Variants in ANAPC4 observed in about 807,000 individuals in gnomAD.
ANAPC4 encodes the protein anaphase-promoting complex subunit 4.
A neutral mutation model predicts 119.8 loss-of-function variants in ANAPC4; 63 were observed. That is an observed-to-expected ratio of 0.53 (90% CI 0.43 to 0.65). The LOEUF (loss-of-function observed/expected upper bound fraction) is 0.65, where lower values mean the gene tolerates loss of function less well. Ranked by LOEUF, ANAPC4 falls within the 30% of genes least tolerant of loss-of-function variation. The pLI, the probability that ANAPC4 is intolerant of heterozygous loss-of-function variation, is 0.00. For synonymous variants in ANAPC4, 283 were observed against 318.6 expected (o/e 0.89, Z 1.19); for missense variants, 716 against 945.1 (o/e 0.76, Z 3.18).
At chr4:25,397,784 A>T (rs1722740324) in intron 16 of ANAPC4, among the ~76,000 whole-genome samples, 4 of 146,712 alleles carry the variant, frequency 2.7e-5, no homozygotes, top group Non-Finnish European at 1.5e-5. Flanking sequence ...TAAAAGCATT[A>T]CTCTTTATTC....
rs531227277 is a variant in ANAPC4 at position 25,418,085 on chromosome 4, C to A, written c.2200-70C>A. ...TAAAACCATTCTTTGATTCAGACTT[C>A]TGATTTCTAATTCTTTATATATGAT... is the stretch of plus-strand genomic sequence containing the variant. On this transcript the variant is annotated intron_variant, in intron 28 of 28. Transcript: ENST00000315368. 2.2e-6 allele frequency: 3 copies of A among 1,375,384 alleles called. No homozygotes were observed. The African/African-American group carries it at 4.4e-5, about 20-fold the overall frequency. 85.2% of individuals were successfully genotyped at this position (1,375,384 alleles called of 1,614,324 possible). A position where few individuals can be genotyped will look rare whatever the true frequency, so the allele number is the denominator to read the frequency against.
chr4:25,417,075 T>C (rs1488697840), intron 27 of ANAPC4: 2 of 152,826 alleles, frequency 1.3e-5, no homozygotes, highest in Non-Finnish European at 2.9e-5. Context: ...TGAAAGGGAG[T>C]CAGAAACCTT....
chr4:25,406,028 C>T (rs1288709079), intron 18 of ANAPC4, among the ~76,000 whole-genome samples: 1 of 152,184 alleles, frequency 6.6e-6, no homozygotes, highest in Admixed American at 6.5e-5. Flanking sequence ...CCTGTAAGGA[C>T]TGTGACAACC....
At chr4:25,409,820 C>G (rs372772681) in intron 21 of ANAPC4, 29 bp downstream of exon 21, 2 of 1,571,892 alleles carry the variant, frequency 1.3e-6, no homozygotes, top group Non-Finnish European at 1.7e-6. Context: ...AGATTTTGGC[C>G]ATTTTTGTTT....
intron 3 of ANAPC4, chr4:25,380,709 A>C (rs933600710): frequency 2.8e-6 from 1 of 359,404 alleles, no homozygotes; most frequent in Non-Finnish European, 5.0e-6. Flanking sequence ...TTCTTGGCAA[A>C]GATAACTCCG....
chr4:25,418,245 G>GCCAGT lies in ANAPC4; in HGVS notation c.2291_2295dup (p.Asn766ProfsTer6). On this transcript the variant is annotated frameshift_variant, in exon 29 of 29. Transcript: ENST00000315368. LOFTEE classifies it low-confidence loss of function (END_TRUNC). ...TGAGTCTTCAGATGAAGAGGAGGAGGCCAGTAATAAGCCTGTAAAAATAAA... is the reference window on the plus strand; with the variant it reads ...TGAGTCTTCAGATGAAGAGGAGGAGGCCAGTCCAGTAATAAGCCTGTAAAAATAAA... 1.2e-6 allele frequency: 2 copies of GCCAGT among 1,614,070 alleles called. No homozygotes were observed. Among genetic ancestry groups the GCCAGT allele is most frequent in the Non-Finnish European group, 8.5e-7 (1 of 1,179,980 alleles).
At chr4:25,409,399 A>T (rs761893709) in intron 20 of ANAPC4, among the ~76,000 whole-genome samples, 10 of 152,194 alleles carry the variant, frequency 6.6e-5, no homozygotes, top group Non-Finnish European at 1.5e-4. Flanking sequence ...CCAACTGTTC[A>T]GCAGTTTCTT....
At chr4:25,383,547 A>AT (rs59314097) in intron 4 of ANAPC4, among the ~76,000 whole-genome samples, 154 bp downstream of exon 4, 64,966 of 150,452 alleles carry the variant, frequency 0.43, 15,479 homozygotes, top group Non-Finnish European at 0.53. Context: ...GCTTTCTTAG[A>AT]TTTTTTTTTT....
In ANAPC4 at chr4:25,414,717, A is replaced by G; in HGVS notation, c.1826+17A>G. 1 of 1,478,994 alleles carries G rather than the reference A, an allele frequency of 6.8e-7. No homozygotes were observed. Among genetic ancestry groups the G allele is most frequent in the Non-Finnish European group, 9.1e-7 (1 of 1,104,534 alleles). The allele number at this position is 1,478,994 out of a possible 1,614,324, so 91.6% of individuals were successfully genotyped here. A position where few individuals can be genotyped will look rare whatever the true frequency, so the allele number is the denominator to read the frequency against. On this transcript the variant is annotated intron_variant, in intron 25 of 28. Transcript: ENST00000315368. Reference sequence around the variant, plus strand: ...TATTTCTCAGTAAGTATTAATCTGAAGTTTGAATCAAAGAGATAAGATTTT... The same window carrying G: ...TATTTCTCAGTAAGTATTAATCTGAGGTTTGAATCAAAGAGATAAGATTTT...
chr4:25,411,883 TCCTA>T (rs1723585582), intron 21 of ANAPC4, among the ~76,000 whole-genome samples: 2 of 152,166 alleles, frequency 1.3e-5, no homozygotes, highest in South Asian at 4.1e-4. Flanking sequence ...CAACGGGGTG[TCCTA>T]CAATTCAATT....
In ANAPC4 at chr4:25,394,385, C is replaced by G; in HGVS notation, c.941+11C>G. On this transcript the variant is annotated intron_variant, in intron 12 of 28. Coordinates refer to ENST00000315368, the MANE Select transcript of ANAPC4 (RefSeq NM_013367.3). ...ATGGGGGAAAGCAAGGTAATAAACTCAGATTAGGTGCTCCTGTTTTTGCTT... is the reference window on the plus strand; with the variant it reads ...ATGGGGGAAAGCAAGGTAATAAACTGAGATTAGGTGCTCCTGTTTTTGCTT... 2.8e-6 allele frequency: 4 copies of G among 1,416,822 alleles called. No individual in the cohort carries two copies. The South Asian group carries it at 5.0e-5, about 18-fold the overall frequency. The allele number at this position is 1,416,822 out of a possible 1,614,324, so 87.8% of individuals were successfully genotyped here.
intron 9 of ANAPC4, among the ~76,000 whole-genome samples, chr4:25,391,664 G>T (rs548540173): frequency 6.6e-6 from 1 of 152,194 alleles, no homozygotes; most frequent in Admixed American, 6.5e-5. Context: ...GCCTTGCCAA[G>T]AAATCGAAAA....
chr4:25,383,603 T>G (rs1162316291), intron 4 of ANAPC4, among the ~76,000 whole-genome samples: 1 of 152,164 alleles, frequency 6.6e-6, no homozygotes, highest in Non-Finnish European at 1.5e-5. Flanking sequence ...TATTGTGGGC[T>G]TGGTTCCAGA....
intron 10 of ANAPC4, 76 bp downstream of exon 10, chr4:25,392,497 T>G (rs1354658006): frequency 7.6e-6 from 10 of 1,319,034 alleles, no homozygotes; most frequent in Non-Finnish European, 1.1e-5. Context: ...AGCTTCAAAA[T>G]TTTGTTTTGT....
At position 25,405,871 on chromosome 4, in the gene ANAPC4, T is replaced by C. The variant is rs1723223817; in HGVS notation, c.1317+252T>C. On this transcript the variant is annotated intron_variant, in intron 18 of 28. Transcript: ENST00000315368. The surrounding 1 kb of genome is among the most constrained non-coding windows in gnomAD (Gnocchi z 4.6). The stretch of plus-strand genomic sequence containing the variant: ...TTTGGATAAGGTTTTATAATACATG[T>C]AAGACAGCATCCTTGTATTCCTTAC... 6.6e-6 allele frequency among the ~76,000 whole-genome samples: 1 copy of C among 152,068 alleles called. No homozygotes were observed.
rs145049441 is a variant in ANAPC4, at chr4:25,404,740, C to T, written c.1271-833C>T. Among the ~76,000 whole-genome samples, 545 of 152,064 alleles carry T rather than the reference C, an allele frequency of 3.6e-3. 1 individual carries two copies. Among genetic ancestry groups the T allele is most frequent in the Middle Eastern group, 0.01 (3 of 294 alleles). Reference sequence around the variant, plus strand: ...ATCCTGGCTCTGTCCCCAGTAGATACCTGTATAACCTTGGTTTTCTTCTTT... The same window carrying T: ...ATCCTGGCTCTGTCCCCAGTAGATATCTGTATAACCTTGGTTTTCTTCTTT... On this transcript the variant is annotated intron_variant, in intron 17 of 28. Transcript: ENST00000315368.
At chr4:25,388,382 A>G in intron 4 of ANAPC4, 118 bp from the exon 5 acceptor site, 1 of 681,766 alleles carries the variant, frequency 1.5e-6, no homozygotes, top group Non-Finnish European at 2.6e-6. Context: ...TATTTGTGTC[A>G]TCTATTTACT....
intron 20 of ANAPC4, among the ~76,000 whole-genome samples, chr4:25,408,523 C>CAA (rs753508822): frequency 9.6e-5 from 9 of 93,626 alleles, no homozygotes; most frequent in Admixed American, 5.7e-4. Flanking sequence ...GCAGGTTTTC[C>CAA]AAAAAAAAAA....
chr4:25,391,065 GTTTTAT>G, intron 9 of ANAPC4, 50 bp downstream of exon 9: 2 of 1,330,780 alleles, frequency 1.5e-6, no homozygotes, highest in Non-Finnish European at 2.1e-6. Flanking sequence ...TATTTAACAG[GTTTTAT>G]ATAGGTTTTT....
Sources: gnomAD v4.1 joint callset for allele counts (sites outside exome capture counted in the v4.1 genomes callset) on GRCh38, gnomAD v4.1.1 for gene constraint, Gnocchi (gnomAD v3.1) non-coding constraint, MANE v1.5 for transcripts, NCBI Gene and HGNC (gene_info 2026-07-23, HGNC 2026-07-21) for gene names.